ARHGEF33: variants seen among roughly 807,000 people sequenced by gnomAD.
ARHGEF33 encodes the protein Rho guanine nucleotide exchange factor 33.
In ARHGEF33, 72 loss-of-function variants were observed where a neutral mutation model predicts 101.9. That is an observed-to-expected ratio of 0.71 (90% CI 0.58 to 0.86). ARHGEF33 has a LOEUF of 0.86. Ranked by LOEUF, ARHGEF33 falls within the 40% of genes least tolerant of loss-of-function variation. The pLI is 0.00. For missense variants in ARHGEF33, 1,169 were observed against 1,111.3 expected, an observed-to-expected ratio of 1.05 and a Z score of -0.74; for synonymous variants, 499 against 442.5, an observed-to-expected ratio of 1.13 and a Z score of -1.60.
At chr2:38,919,319 G>T in intron 2 of ARHGEF33, 44 bp from the exon 3 acceptor site, 2 of 902,454 alleles carry the variant, frequency 2.2e-6, no homozygotes, top group Non-Finnish European at 3.5e-6. Flanking sequence ...CAGTTTCTTT[G>T]ACAGTTTTAC....
intron 9 of ARHGEF33, among the ~76,000 whole-genome samples, chr2:38,940,270 T>C (rs1667269842): frequency 6.6e-6 from 1 of 152,166 alleles, no homozygotes; most frequent in African/African-American, 2.4e-5. Flanking sequence ...ACATCATCAA[T>C]GTTTTTAGTT....
chr2:38,961,741 G>C (rs1301616072), intron 16 of ARHGEF33, among the ~76,000 whole-genome samples: 1 of 152,060 alleles, frequency 6.6e-6, no homozygotes, highest in Admixed American at 6.6e-5. Flanking sequence ...CAGGAACACA[G>C]AATTATGTAA....
chr2:38,935,913 C>A lies in ARHGEF33; in HGVS notation c.565+79C>A, dbSNP rs1030953021. ...ACTTCTATCTTCCCTGCTTCCACTT[C>A]CTTAGTTTCAAACCAGGCATGAAAG... On this transcript the variant is annotated intron_variant, in intron 8 of 17. Coordinates refer to ENST00000409978, the MANE Select transcript of ARHGEF33 (RefSeq NM_001145451.5). The A allele has an allele frequency of 1.0e-4, 119 of 1,190,940 alleles. 1 individual carries two copies. In the East Asian group the frequency reaches 1.7e-3, roughly 17 times the overall value. 73.8% of individuals were successfully genotyped at this position (1,190,940 alleles called of 1,614,324 possible). A position where few individuals can be genotyped will look rare whatever the true frequency, so the allele number is the denominator to read the frequency against.
intron 17 of ARHGEF33, chr2:38,969,381 A>G (rs998427593): frequency 5.9e-6 from 1 of 168,722 alleles, no homozygotes; most frequent in South Asian, 2.0e-4. Flanking sequence ...TCCTGTCTAC[A>G]CTGACACACT....
chr2:38,937,613 A>C, intron 9 of ARHGEF33, 54 bp downstream of exon 9: 2 of 1,058,184 alleles, frequency 1.9e-6, no homozygotes, highest in Middle Eastern at 3.0e-4. Context: ...GATGTACCAG[A>C]GCTTTGAACT....
chr2:38,929,333 G>A (rs1168551280), intron 5 of ARHGEF33, among the ~76,000 whole-genome samples: 1 of 152,114 alleles, frequency 6.6e-6, no homozygotes, highest in Non-Finnish European at 1.5e-5. Context: ...GGAGACTGAG[G>A]CAGGAGAATC....
chr2:38,950,396 TA>T (rs1246966804), intron 10 of ARHGEF33, among the ~76,000 whole-genome samples: 3 of 152,224 alleles, frequency 2.0e-5, no homozygotes, highest in Non-Finnish European at 4.4e-5. Context: ...GCGTGTCATT[TA>T]AATGAGCATG....
rs769393812 is a variant in ARHGEF33, at chr2:38,937,534, C to T, written c.765C>T (p.Asn255=). ...AGGGTAGACACAGCTCCTTGGAAAA[C>T]GTTTTATGTGAAACCTCCTTAGCTG... ...AGQGRHSSLE[N]VLCETSLAAK... The change falls in exon 9 of 18, where the codon AAC becomes AAT. Residue 255 remains asparagine (N), a synonymous_variant. Transcript: ENST00000409978. 109 of 1,546,818 alleles carry T rather than the reference C, an allele frequency of 7.0e-5. 1 individual carries two copies. The highest frequency in any genetic ancestry group is 1.7e-4 in the South Asian group (14 of 83,910).
intron 15 of ARHGEF33, 44 bp from the exon 16 acceptor site, chr2:38,959,797 C>A (rs1572777682): frequency 6.7e-7 from 1 of 1,483,784 alleles, no homozygotes; most frequent in Non-Finnish European, 9.0e-7. Context: ...CTGCACTAAC[C>A]GGCCGTAAGC....
chr2:38,913,914 A>C (rs1666571610), intron 2 of ARHGEF33, among the ~76,000 whole-genome samples: 1 of 152,232 alleles, frequency 6.6e-6, no homozygotes, highest in South Asian at 2.1e-4. Context: ...TGGTTAAAAA[A>C]AAAAGGCAGA....
At chr2:38,910,420 G>T (rs1384206055) in intron 2 of ARHGEF33, among the ~76,000 whole-genome samples, 1 of 151,958 alleles carries the variant, frequency 6.6e-6, no homozygotes, top group Non-Finnish European at 1.5e-5. Flanking sequence ...AAATACAAAA[G>T]AAATTAGCTG....
intron 1 of ARHGEF33, among the ~76,000 whole-genome samples, chr2:38,893,691 A>G (rs933671039): frequency 7.2e-5 from 11 of 152,060 alleles, no homozygotes; most frequent in African/African-American, 2.2e-4. Context: ...GCATCCTTTC[A>G]TTTCTCCTAG....
At chr2:38,894,829 A>C (rs1666085260) in intron 1 of ARHGEF33, among the ~76,000 whole-genome samples, 1 of 152,222 alleles carries the variant, frequency 6.6e-6, no homozygotes, top group Non-Finnish European at 1.5e-5. Context: ...TTTCCAAAAA[A>C]AGAGGAGAAT....
At chr2:38,936,595 C>T (rs928504914) in intron 8 of ARHGEF33, among the ~76,000 whole-genome samples, 8 of 152,128 alleles carry the variant, frequency 5.3e-5, no homozygotes, top group African/African-American at 1.7e-4. Context: ...GAGGGAACCC[C>T]GTGCAGCTGT....
intron 13 of ARHGEF33, among the ~76,000 whole-genome samples, chr2:38,955,289 G>A (rs1417317421): frequency 6.6e-6 from 1 of 151,984 alleles, no homozygotes; most frequent in Non-Finnish European, 1.5e-5. Context: ...TGATATCCTG[G>A]AGGAAGAAGA....
At chr2:38,949,437 C>T (rs986907567) in intron 10 of ARHGEF33, among the ~76,000 whole-genome samples, 1 of 152,148 alleles carries the variant, frequency 6.6e-6, no homozygotes, top group African/African-American at 2.4e-5. Flanking sequence ...CCTCTAATCA[C>T]ATCACTCTTA....
In ARHGEF33 at chr2:38,960,600, C is replaced by A; in HGVS notation, c.2295C>A (p.Pro765=). ...AARGASRTFF[P]QQRSQSEKQT... ...GCGGCGCATCCAGGACCTTCTTCCC[C>A]CAACAGAGGTCCCAAAGCGAAAAAC... The change falls in exon 16 of 18, where the codon CCC becomes CCA. Residue 765 remains proline (P), a synonymous_variant. Coordinates refer to ENST00000409978, the MANE Select transcript of ARHGEF33 (RefSeq NM_001145451.5). 6 of 1,414,086 alleles carry A rather than the reference C, an allele frequency of 4.2e-6. No individual in the cohort carries two copies. The South Asian group carries it at 6.4e-5, about 15-fold the overall frequency. 87.6% of individuals were successfully genotyped at this position (1,414,086 alleles called of 1,614,324 possible). A position where few individuals can be genotyped will look rare whatever the true frequency, so the allele number is the denominator to read the frequency against.
rs146698212 is a variant in ARHGEF33 at position 38,954,726 on chromosome 2, T to C, written c.1221+270T>C. ...TAGGCTCACTGCAACCTCTGCCTCC[T>C]GGGTTCAAGTGACTCTCCTGCATCA... On this transcript the variant is annotated intron_variant, in intron 13 of 17. Transcript: ENST00000409978. Among the ~76,000 whole-genome samples the C allele has an allele frequency of 2.1e-3, 313 of 150,930 alleles. 5 individuals carry two copies. The East Asian group carries it at 0.035, about 17-fold the overall frequency.
chr2:38,960,188 C>A lies in ARHGEF33; in HGVS notation c.1883C>A (p.Pro628His). ...YGGEIFALPA[P>H]YDEEPFQAPA... ...GGCGAGATCTTCGCGCTGCCCGCGC[C>A]CTACGACGAGGAGCCGTTCCAGGCT... is the stretch of plus-strand genomic sequence containing the variant. The change falls in exon 16 of 18, where the codon CCC becomes CAC. Residue 628 changes from proline (P) to histidine (H), a missense_variant. Transcript: ENST00000409978. 1 of 1,544,268 alleles carries A rather than the reference C, an allele frequency of 6.5e-7. No homozygotes were observed. The highest frequency in any genetic ancestry group is 2.5e-5 in the East Asian group (1 of 40,762).
Sources: gnomAD v4.1 joint callset for allele counts (sites outside exome capture counted in the v4.1 genomes callset) on GRCh38, gnomAD v4.1.1 for gene constraint, MANE v1.5 for transcripts, NCBI Gene and HGNC (gene_info 2026-07-23, HGNC 2026-07-21) for gene names.